Variants in SLC26A7 observed in about 807,000 individuals in gnomAD.
SLC26A7 encodes anion exchange transporter.
SLC26A7 carries 59 observed loss-of-function variants against 82.5 expected under a neutral mutation model. The observed-to-expected ratio is 0.72, with a 90% CI of 0.58 to 0.89. The LOEUF (loss-of-function observed/expected upper bound fraction) is 0.89, where lower values mean the gene tolerates loss of function less well. Among genes scored for constraint, SLC26A7 ranks in the 40% least tolerant of loss-of-function variants. The probability of loss-of-function intolerance (pLI) is 0.00; values close to 1 mark genes in which losing one functional copy is unlikely to be tolerated. For synonymous variants in SLC26A7, 271 were observed against 274.3 expected (o/e 0.99, Z 0.12); for missense variants, 820 against 793.0 (o/e 1.03, Z -0.41).
chr8:91,303,005 C>T (rs1812210314), intron 4 of SLC26A7, among the ~76,000 whole-genome samples: 1 of 152,048 alleles, frequency 6.6e-6, no homozygotes. Flanking sequence ...TCCAGTTCTA[C>T]CATCTATTTC....
Position 91,289,122 on chromosome 8 carries a change from A to T in SLC26A7, c.194-14A>T. ...GTTATAAGGTGGTTTTAATTACCCT[A>T]GTCTTCTTCACAGGATTGGCCTTTG... On this transcript the variant is annotated splice_polypyrimidine_tract_variant and intron_variant, in intron 2 of 18. Transcript: ENST00000276609. 6.3e-7 allele frequency: 1 copy of T among 1,586,160 alleles called. No homozygotes were observed. Among genetic ancestry groups the T allele is most frequent in the Non-Finnish European group, 8.7e-7 (1 of 1,154,702 alleles).
At position 91,397,250 on chromosome 8, in the gene SLC26A7, T is replaced by C. The variant is rs986968454; in HGVS notation, c.*2153T>C. ...CCACACACCAAGGCTACAATGACTG[T>C]TAACCTGGAGGAAGTCTCTGGTATG... On this transcript the variant is annotated 3_prime_UTR_variant, in exon 19 of 19. Transcript: ENST00000276609. The C allele has an allele frequency of 1.3e-5, 2 of 152,094 alleles. No individual in the cohort carries two copies. The highest frequency in any genetic ancestry group is 2.9e-5 in the Non-Finnish European group (2 of 67,958). 9.4% of individuals were successfully genotyped at this position (152,094 alleles called of 1,614,324 possible).
intron 1 of SLC26A7, among the ~76,000 whole-genome samples, chr8:91,216,150 A>T (rs949706275): frequency 1.3e-5 from 2 of 152,210 alleles, no homozygotes; most frequent in African/African-American, 4.8e-5. Context: ...CATGTTCACT[A>T]TAAAACTAAC....
At chr8:91,294,440 G>A (rs569118232) in intron 3 of SLC26A7, among the ~76,000 whole-genome samples, 12 of 152,224 alleles carry the variant, frequency 7.9e-5, no homozygotes, top group East Asian at 1.9e-4. Context: ...AGTATTGGCT[G>A]TGTTGAATTT....
intron 18 of SLC26A7, chr8:91,394,733 T>G (rs1237598089): frequency 7.3e-6 from 8 of 1,102,522 alleles, no homozygotes; most frequent in Admixed American, 8.6e-5. Flanking sequence ...CCTCATTATA[T>G]TCCAGGAATA....
At chr8:91,327,896 G>A (rs1298949479) in intron 5 of SLC26A7, among the ~76,000 whole-genome samples, 1 of 151,992 alleles carries the variant, frequency 6.6e-6, no homozygotes, top group African/African-American at 2.4e-5. Context: ...TCCCTTTATG[G>A]ATAATTCAAA....
intron 4 of SLC26A7, among the ~76,000 whole-genome samples, chr8:91,305,074 C>T (rs189998211): frequency 6.6e-6 from 1 of 152,272 alleles, no homozygotes; most frequent in East Asian, 1.9e-4. Flanking sequence ...ACACATTTCC[C>T]TCCTTTTCTA....
At chr8:91,296,071 A>G (rs1812008661) in intron 4 of SLC26A7, among the ~76,000 whole-genome samples, 1 of 152,186 alleles carries the variant, frequency 6.6e-6, no homozygotes, top group African/African-American at 2.4e-5. Flanking sequence ...CTGCAATAGG[A>G]AGGAGATGTG....
At chr8:91,240,964 G>A (rs929367591) in intron 2 of SLC26A7, among the ~76,000 whole-genome samples, 7 of 152,034 alleles carry the variant, frequency 4.6e-5, no homozygotes, top group African/African-American at 1.7e-4. Flanking sequence ...AGCCTCACTG[G>A]CACATAGAAA....
intron 2 of SLC26A7, among the ~76,000 whole-genome samples, chr8:91,277,412 T>C (rs1298155297): frequency 1.3e-5 from 2 of 152,208 alleles, no homozygotes; most frequent in Non-Finnish European, 2.9e-5. Context: ...TATTTTTTCA[T>C]GCTCATATAT....
upstream of SLC26A7, among the ~76,000 whole-genome samples, chr8:91,249,101 A>G (rs1451339126): frequency 6.6e-6 from 1 of 152,204 alleles, no homozygotes; most frequent in Non-Finnish European, 1.5e-5. Context: ...ATAGGGCTGG[A>G]TTCTCTGAAT....
intron 3 of SLC26A7, among the ~76,000 whole-genome samples, chr8:91,291,635 A>G (rs1271822267): frequency 6.6e-6 from 1 of 152,254 alleles, no homozygotes; most frequent in Non-Finnish European, 1.5e-5. Context: ...ACATACTTAA[A>G]TACGTACTTA....
chr8:91,349,807 T>G (rs1247558736), intron 9 of SLC26A7, among the ~76,000 whole-genome samples: 2 of 152,296 alleles, frequency 1.3e-5, no homozygotes, highest in Admixed American at 1.3e-4. Context: ...TTGTCTTTTG[T>G]CTTAAAATAA....
chr8:91,241,185 A>G (rs1020363596), intron 2 of SLC26A7, among the ~76,000 whole-genome samples: 1 of 152,186 alleles, frequency 6.6e-6, no homozygotes, highest in Non-Finnish European at 1.5e-5. Context: ...TTTTGTGAAG[A>G]AATATTGTAC....
rs115173029 is a variant in SLC26A7, at chr8:91,388,875, A to T, written c.1676-463A>T. Among the ~76,000 whole-genome samples the T allele has an allele frequency of 5.3e-3, 800 of 151,236 alleles. 12 individuals are homozygous for T. The highest frequency in any genetic ancestry group is 0.018 in the African/African-American group (724 of 41,224). Reference sequence around the variant, plus strand: ...TAGCAATGGAGTTTTTTTTTTTTAGAGTGATTCCAAAATTGTATACGCTTC... The same window carrying T: ...TAGCAATGGAGTTTTTTTTTTTTAGTGTGATTCCAAAATTGTATACGCTTC... On this transcript the variant is annotated intron_variant, in intron 15 of 18. Transcript: ENST00000276609.
upstream of SLC26A7, among the ~76,000 whole-genome samples, chr8:91,244,722 T>A (rs571023274): frequency 6.6e-6 from 1 of 152,148 alleles, no homozygotes; most frequent in East Asian, 1.9e-4. Context: ...GGTCTCACTA[T>A]GTTTCCCAGA....
chr8:91,212,762 AAG>A (rs1234566417), intron 1 of SLC26A7, among the ~76,000 whole-genome samples: 10 of 152,196 alleles, frequency 6.6e-5, no homozygotes, highest in Non-Finnish European at 1.0e-4. Flanking sequence ...ATTAGGTACT[AAG>A]AGGATCAGAA....
chr8:91,394,041 T>C lies in SLC26A7; in HGVS notation c.1935+2T>C. ...ATAAGTCATATCCATTCAAATAAGG[T>C]GAGTTGATTAAGTTGGGCTGAAGGA... On this transcript the variant is annotated splice_donor_variant, in intron 18 of 18. Transcript: ENST00000276609. LOFTEE classifies it high-confidence loss of function. 6.2e-7 allele frequency: 1 copy of C among 1,611,566 alleles called. No individual in the cohort carries two copies. Among genetic ancestry groups the C allele is most frequent in the Non-Finnish European group, 8.5e-7 (1 of 1,178,188 alleles).
rs1814103229 is a variant in SLC26A7 at position 91,363,405 on chromosome 8, G to A, written c.1422-67G>A. On this transcript the variant is annotated intron_variant, in intron 12 of 18. Transcript: ENST00000276609. ...TCTAGTTATTAAATGACTACTTTTG[G>A]TTTCTTCATTGTTTATATAATGATT... is the stretch of plus-strand genomic sequence containing the variant. 5 of 967,010 alleles carry A rather than the reference G, an allele frequency of 5.2e-6. No individual in the cohort carries two copies. The East Asian group carries it at 7.9e-5, about 15-fold the overall frequency. 59.9% of individuals were successfully genotyped at this position (967,010 alleles called of 1,614,324 possible).
Sources: allele counts gnomAD v4.1 joint callset (sites outside exome capture counted in the v4.1 genomes callset), GRCh38; gene constraint gnomAD v4.1.1; transcripts MANE v1.5; gene names NCBI Gene and HGNC (gene_info 2026-07-23, HGNC 2026-07-21).